DOCK2: variants seen among roughly 807,000 people sequenced by gnomAD.
DOCK2 encodes dedicator of cytokinesis protein 2.
Under a neutral mutation model 248.9 loss-of-function variants are expected in DOCK2, and 87 were observed. The observed-to-expected ratio is 0.35, with a 90% CI of 0.29 to 0.42. The LOEUF is 0.42. Among genes scored for constraint, DOCK2 ranks in the 10% least tolerant of loss-of-function variants. The pLI is 1.00. For synonymous variants in DOCK2, 805 were observed against 821.6 expected, an observed-to-expected ratio of 0.98 and a Z score of 0.35; for missense variants, 1,747 against 2,300.2, an observed-to-expected ratio of 0.76 and a Z score of 4.92.
chr5:169,653,318 C>T (rs988899647), intron 1 of DOCK2, among the ~76,000 whole-genome samples: 1 of 152,186 alleles, frequency 6.6e-6, no homozygotes, highest in African/African-American at 2.4e-5. Context: ...CTTATCTTAG[C>T]TCCCCACCCA....
At chr5:170,054,668 A>G (rs1561900362) in intron 41 of DOCK2, among the ~76,000 whole-genome samples, 1 of 152,204 alleles carries the variant, frequency 6.6e-6, no homozygotes, top group African/African-American at 2.4e-5. Context: ...TAGCATGCAT[A>G]TGTTTCACCC....
chr5:169,940,785 C>T (rs894830572), intron 27 of DOCK2, among the ~76,000 whole-genome samples: 2 of 152,206 alleles, frequency 1.3e-5, no homozygotes, highest in African/African-American at 4.8e-5. Context: ...TAAAGCTTCA[C>T]CCACTCACCT....
At chr5:169,848,694 T>C (rs981874660) in intron 27 of DOCK2, among the ~76,000 whole-genome samples, 1 of 152,184 alleles carries the variant, frequency 6.6e-6, no homozygotes, top group African/African-American at 2.4e-5. Context: ...CTCTGGGTGA[T>C]ATATTTTGGG....
chr5:169,987,707 T>C (rs1778103235), intron 29 of DOCK2, among the ~76,000 whole-genome samples: 1 of 152,244 alleles, frequency 6.6e-6, no homozygotes, highest in Admixed American at 6.5e-5. Flanking sequence ...GTAATCCTTA[T>C]TTCTTTATAC....
chr5:169,837,099 G>A (rs1443355084), intron 26 of DOCK2, among the ~76,000 whole-genome samples: 1 of 152,080 alleles, frequency 6.6e-6, no homozygotes, highest in Non-Finnish European at 1.5e-5. Flanking sequence ...GCTGTGTTAT[G>A]TAGTGAGCTC....
chr5:169,996,221 T>C, intron 30 of DOCK2, 57 bp downstream of exon 30: 1 of 1,557,796 alleles, frequency 6.4e-7, no homozygotes, highest in Non-Finnish European at 8.8e-7. Flanking sequence ...TCTGACATTC[T>C]GGGCTGATTG....
At chr5:169,903,076 G>A (rs1581388993) in intron 27 of DOCK2, among the ~76,000 whole-genome samples, 1 of 151,312 alleles carries the variant, frequency 6.6e-6, no homozygotes, top group African/African-American at 2.4e-5. Context: ...CCAGCCTGGC[G>A]ACAGAGCAAG....
intron 1 of DOCK2, among the ~76,000 whole-genome samples, chr5:169,649,235 G>T (rs1436377393): frequency 2.0e-5 from 3 of 152,170 alleles, no homozygotes; most frequent in Non-Finnish European, 2.9e-5. Context: ...TTAACACTTG[G>T]TGTTGGCTGA....
rs1281538575 is a variant in DOCK2, at chr5:170,050,392, G to T, written c.4208G>T (p.Gly1403Val). Residue 1403 changes from glycine to valine, a missense_variant, in exon 41 of 52, where the codon GGC becomes GTC. Around this residue, in one of 4 missense-constraint regions of DOCK2, gnomAD observed 513 missense variants for 586.1 expected, o/e 0.88. Transcript: ENST00000520908. ...APGDDVKNAPGQYIQCFTVQP... is the reference protein window; with the variant it reads ...APGDDVKNAPVQYIQCFTVQP... ...GGAGATGATGTGAAGAATGCCCCAGGCCAGTGTATCCTTGGAGAATGCCCT... is the reference window on the plus strand; with the variant it reads ...GGAGATGATGTGAAGAATGCCCCAGTCCAGTGTATCCTTGGAGAATGCCCT... The T allele has an allele frequency of 2.5e-6, 4 of 1,613,826 alleles. No individual in the cohort carries two copies. Among genetic ancestry groups the T allele is most frequent in the Non-Finnish European group, 2.5e-6 (3 of 1,179,832 alleles).
chr5:169,741,076 C>T (rs972859862), intron 22 of DOCK2, among the ~76,000 whole-genome samples: 4 of 152,190 alleles, frequency 2.6e-5, no homozygotes, highest in Admixed American at 6.5e-5. Context: ...CCTCCCATTT[C>T]GGCCTCCCAA....
chr5:170,038,222 G>T (rs768548631), intron 36 of DOCK2, among the ~76,000 whole-genome samples: 9 of 152,158 alleles, frequency 5.9e-5, no homozygotes, highest in Non-Finnish European at 8.8e-5. Flanking sequence ...AGGATTAAAT[G>T]AAGTACTATA....
chr5:169,829,617 AT>A (rs1236022925), intron 26 of DOCK2, among the ~76,000 whole-genome samples: 6 of 152,206 alleles, frequency 3.9e-5, no homozygotes, highest in Non-Finnish European at 5.9e-5. Flanking sequence ...CTATGACTTT[AT>A]TGGCTCAGGA....
At chr5:170,070,194 T>C (rs1757635352) in intron 46 of DOCK2, among the ~76,000 whole-genome samples, 1 of 152,242 alleles carries the variant, frequency 6.6e-6, no homozygotes, top group Non-Finnish European at 1.5e-5. Flanking sequence ...AGGTGAGCAG[T>C]GGATGCAGGG....
At chr5:169,948,593 A>C (rs1776537228) in intron 27 of DOCK2, among the ~76,000 whole-genome samples, 2 of 137,666 alleles carry the variant, frequency 1.5e-5, no homozygotes, top group African/African-American at 5.4e-5. Context: ...CTCCTTTCTT[A>C]TTCCTTCCTT....
chr5:169,977,238 A>C (rs1476362219), intron 27 of DOCK2, among the ~76,000 whole-genome samples: 1 of 152,182 alleles, frequency 6.6e-6, no homozygotes, highest in Non-Finnish European at 1.5e-5. Flanking sequence ...GCATGTTGTT[A>C]ACCAAAAGCA....
intron 5 of DOCK2, among the ~76,000 whole-genome samples, chr5:169,673,457 A>G (rs1170197622): frequency 6.6e-6 from 1 of 152,076 alleles, no homozygotes; most frequent in Non-Finnish European, 1.5e-5. Flanking sequence ...GAAAGACAAA[A>G]GTACTTGACA....
intron 26 of DOCK2, among the ~76,000 whole-genome samples, chr5:169,819,161 T>G (rs1768258357): frequency 6.6e-6 from 1 of 152,172 alleles, no homozygotes; most frequent in Admixed American, 6.5e-5. Context: ...AAAACTACCC[T>G]TGGCCAGGCC....
chr5:170,045,939 C>G lies in DOCK2; in HGVS notation c.3966+34C>G, dbSNP rs201286567. 3.8e-3 allele frequency: 6,159 copies of G among 1,600,788 alleles called. 154 individuals are homozygous for G. In the South Asian group the frequency reaches 0.045, roughly 12 times the overall value. On this transcript the variant is annotated intron_variant, in intron 39 of 51. Coordinates refer to ENST00000520908, the MANE Select transcript of DOCK2 (RefSeq NM_004946.3). Reference sequence around the variant, plus strand: ...TCCCCTGGGAAGGCTGAATGCCCTGCAGGCTGGGTGCTCAGGGCCTCAGCT... The same window carrying G: ...TCCCCTGGGAAGGCTGAATGCCCTGGAGGCTGGGTGCTCAGGGCCTCAGCT...
Position 170,081,936 on chromosome 5 carries a change from C to T in DOCK2, c.5382C>T (p.Asp1794=). ...SQTFLQLSDG[D]KKTLTRKKVN... Reference sequence around the variant, plus strand: ...CCTTCCTCCAACTCTCAGATGGTGACAAGAAGACACTCACACGGAAGAAGG... The same window carrying T: ...CCTTCCTCCAACTCTCAGATGGTGATAAGAAGACACTCACACGGAAGAAGG... Residue 1794 remains aspartate, a synonymous_variant, in exon 51 of 52, where the codon GAC becomes GAT. Transcript: ENST00000520908. 1 of 1,614,106 alleles carries T rather than the reference C, an allele frequency of 6.2e-7. No individual in the cohort carries two copies. Among genetic ancestry groups the T allele is most frequent in the Non-Finnish European group, 8.5e-7 (1 of 1,180,032 alleles).
Sources: gnomAD v4.1 joint callset for allele counts (sites outside exome capture counted in the v4.1 genomes callset) on GRCh38, gnomAD v4.1.1 for gene constraint, gnomAD v4.1.1 regional missense constraint, MANE v1.5 for transcripts, NCBI Gene and HGNC (gene_info 2026-07-23, HGNC 2026-07-21) for gene names.